The following DNAJC10 variants were observed in gnomAD, a reference collection of about 807,000 sequenced individuals.
DNAJC10 encodes the protein DnaJ heat shock protein family (Hsp40) member C10.
Under a neutral mutation model 115.0 loss-of-function variants are expected in DNAJC10, and 101 were observed. The observed-to-expected ratio is 0.88, with a 90% CI of 0.75 to 1.04. The LOEUF is 1.04. Among genes scored for constraint, DNAJC10 ranks in the 50% least tolerant of loss-of-function variants. DNAJC10 has a pLI of 0.00. For missense variants in DNAJC10, 981 were observed against 928.8 expected (o/e 1.06, Z -0.73); for synonymous variants, 307 against 301.5 (o/e 1.02, Z -0.19).
rs551127442 is a variant in DNAJC10 at position 182,729,897 on chromosome 2, T to G, written c.683T>G (p.Phe228Cys). The change falls in exon 8 of 24, where the codon TTT (phenylalanine) becomes TGT (cysteine). Residue 228 changes from phenylalanine (F) to cysteine (C), a missense_variant. Phe to Cys is a radical substitution (Grantham distance 205, BLOSUM62 -2). Coordinates refer to ENST00000264065, the MANE Select transcript of DNAJC10 (RefSeq NM_018981.4). ...GDRSKESLVS[F>C]AMQHVRSTVT... ...AGATCAAAGGAGAGTTTAGTGAGTTTTGCAATGCAGCATGTTAGAAGTACA... is the reference window on the plus strand; with the variant it reads ...AGATCAAAGGAGAGTTTAGTGAGTTGTGCAATGCAGCATGTTAGAAGTACA... 6.2e-7 allele frequency: 1 copy of G among 1,610,870 alleles called. No homozygotes were observed. Among genetic ancestry groups the G allele is most frequent in the African/African-American group, 1.3e-5 (1 of 74,884 alleles).
At chr2:182,717,612 G>T (rs1693027495) in intron 2 of DNAJC10, among the ~76,000 whole-genome samples, 2 of 152,164 alleles carry the variant, frequency 1.3e-5, no homozygotes, top group South Asian at 4.1e-4. Context: ...TACAGGCAAC[G>T]CTATAACTGG....
In DNAJC10 at chr2:182,793,136, G is replaced by C. The variant is rs1173212683; in HGVS notation, c.*16004G>C. On this transcript the variant is annotated 3_prime_UTR_variant, in exon 24 of 24. Coordinates refer to ENST00000264065, the MANE Select transcript of DNAJC10 (RefSeq NM_018981.4). ...TAAATGGGCTGAGGGTAGAGCATAT[G>C]AACAGAGAGAAAGGCCAGAGGACAG... 1 of 152,284 alleles carries C rather than the reference G, an allele frequency of 6.6e-6. No individual in the cohort carries two copies. The highest frequency in any genetic ancestry group is 1.5e-5 in the Non-Finnish European group (1 of 68,172). 9.4% of individuals were successfully genotyped at this position (152,284 alleles called of 1,614,324 possible). A position where few individuals can be genotyped will look rare whatever the true frequency, so the allele number is the denominator to read the frequency against.
At chr2:182,767,166 C>G (rs765280557) in intron 22 of DNAJC10, among the ~76,000 whole-genome samples, 8 of 152,076 alleles carry the variant, frequency 5.3e-5, no homozygotes, top group Non-Finnish European at 7.4e-5. Flanking sequence ...AGATAATGGG[C>G]GATCTGGTGG....
Position 182,732,501 on chromosome 2 carries a change from T to G in DNAJC10, c.808T>G (p.Cys270Gly), listed in dbSNP as rs1352850587. The G allele has an allele frequency of 9.3e-6, 15 of 1,613,332 alleles. No homozygotes were observed. The highest frequency in any genetic ancestry group is 1.3e-5 in the Non-Finnish European group (15 of 1,179,522). Reference sequence around the variant, plus strand: ...TCATAAGGTTTTTTTGTCCCCAGATTGTTTGACTTCACAGACACGACTCAG... The same window carrying G: ...TCATAAGGTTTTTTTGTCCCCAGATGGTTTGACTTCACAGACACGACTCAG... ...LITFCSKGGDCLTSQTRLRLS... is the reference protein window; with the variant it reads ...LITFCSKGGDGLTSQTRLRLS... The change falls in exon 10 of 24, where the codon TGT becomes GGT. Residue 270 changes from cysteine to glycine, a missense_variant and splice_region_variant. Physicochemically the swap from Cys to Gly is radical, Grantham distance 159. Coordinates refer to ENST00000264065, the MANE Select transcript of DNAJC10 (RefSeq NM_018981.4).
rs1003210454 is a variant in DNAJC10, at chr2:182,779,839, A to C, written c.*2707A>C. 1.1e-4 allele frequency: 17 copies of C among 152,190 alleles called. No individual in the cohort carries two copies. The highest frequency in any genetic ancestry group is 3.6e-4 in the African/African-American group (15 of 41,458). 9.4% of individuals were successfully genotyped at this position (152,190 alleles called of 1,614,324 possible). The stretch of plus-strand genomic sequence containing the variant: ...TTCCTATGGGACACACATTTCAAAG[A>C]TGTTTAGTACGATAAAATTTTTAGT... On this transcript the variant is annotated 3_prime_UTR_variant, in exon 24 of 24. Transcript: ENST00000264065.
chr2:182,737,486 A>G (rs1188754626), intron 11 of DNAJC10, among the ~76,000 whole-genome samples: 1 of 152,192 alleles, frequency 6.6e-6, no homozygotes, highest in African/African-American at 2.4e-5. Flanking sequence ...CCAGATCTCT[A>G]CTGAAATATA....
At chr2:182,731,170 T>G in intron 9 of DNAJC10, 63 bp downstream of exon 9, 3 of 1,196,890 alleles carry the variant, frequency 2.5e-6, no homozygotes, top group Non-Finnish European at 3.7e-6. Flanking sequence ...GGTGACAGTT[T>G]TAAGTATGCT....
chr2:182,722,935 G>A (rs1451475230), intron 5 of DNAJC10, among the ~76,000 whole-genome samples: 9 of 151,278 alleles, frequency 5.9e-5, no homozygotes, highest in Non-Finnish European at 1.0e-4. Context: ...CGTACCAGTC[G>A]CAAAAAATAC....
At position 182,780,154 on chromosome 2, in the gene DNAJC10, T is replaced by C. The variant is rs1292953317; in HGVS notation, c.*3022T>C. On this transcript the variant is annotated 3_prime_UTR_variant, in exon 24 of 24. Transcript: ENST00000264065. ...CTTACATATACCCAAATTCTTCTAG[T>C]GAAGAAGTTTGTAATATGGTTTGAG... The C allele has an allele frequency of 6.6e-6, 1 of 152,148 alleles. No homozygotes were observed. The highest frequency in any genetic ancestry group is 2.1e-4 in the South Asian group (1 of 4,828). The allele number at this position is 152,148 out of a possible 1,614,324, so 9.4% of individuals were successfully genotyped here. A position where few individuals can be genotyped will look rare whatever the true frequency, so the allele number is the denominator to read the frequency against.
rs902878632 is a variant in DNAJC10 at position 182,786,430 on chromosome 2, A to G, written c.*9298A>G. ...TAATCCTGTTCCCTTCACTGAGGTC[A>G]TAATACTGAATTCTGAAATGGAAAT... On this transcript the variant is annotated 3_prime_UTR_variant, in exon 24 of 24. Coordinates refer to ENST00000264065, the MANE Select transcript of DNAJC10 (RefSeq NM_018981.4). 6.6e-6 allele frequency: 1 copy of G among 152,190 alleles called. No individual in the cohort carries two copies. Among genetic ancestry groups the G allele is most frequent in the East Asian group, 1.9e-4 (1 of 5,188 alleles). The allele number at this position is 152,190 out of a possible 1,614,324, so 9.4% of individuals were successfully genotyped here.
rs1438815912 is a variant in DNAJC10, at chr2:182,778,750, G to C, written c.*1618G>C. 3.3e-5 allele frequency: 5 copies of C among 152,152 alleles called. No homozygotes were observed. The highest frequency in any genetic ancestry group is 3.3e-4 in the Admixed American group (5 of 15,264). The allele number at this position is 152,152 out of a possible 1,614,324, so 9.4% of individuals were successfully genotyped here. A position where few individuals can be genotyped will look rare whatever the true frequency, so the allele number is the denominator to read the frequency against. ...TCACCACTTGTCACACTTAACACCA[G>C]CTTTTTGAATTATGATCAGTAATGG... On this transcript the variant is annotated 3_prime_UTR_variant, in exon 24 of 24. Transcript: ENST00000264065.
At chr2:182,772,507 G>A (rs774482662) in intron 22 of DNAJC10, among the ~76,000 whole-genome samples, 19 of 152,206 alleles carry the variant, frequency 1.2e-4, no homozygotes, top group Non-Finnish European at 2.4e-4. Context: ...TCCTGTATTG[G>A]GTCCATATAT....
At chr2:182,741,109 G>A (rs1693726640) in intron 12 of DNAJC10, 134 bp from the exon 13 acceptor site, 3 of 611,614 alleles carry the variant, frequency 4.9e-6, no homozygotes, top group Non-Finnish European at 8.5e-6. Context: ...AAGAGAATGA[G>A]TGGGTCCGAA....
intron 10 of DNAJC10, among the ~76,000 whole-genome samples, chr2:182,733,804 G>GATAA (rs1346420448): frequency 8.8e-5 from 13 of 148,328 alleles, no homozygotes; most frequent in Non-Finnish European, 1.6e-4. Flanking sequence ...TAGATAGATA[G>GATAA]ATAGATAGAT....
At chr2:182,749,028 T>C (rs892769446) in intron 14 of DNAJC10, among the ~76,000 whole-genome samples, 2 of 152,132 alleles carry the variant, frequency 1.3e-5, no homozygotes, top group African/African-American at 4.8e-5. Flanking sequence ...AGATAGTTTG[T>C]TATAATTTCT....
At chr2:182,745,871 C>T (rs1003473245) in intron 14 of DNAJC10, among the ~76,000 whole-genome samples, 1 of 152,066 alleles carries the variant, frequency 6.6e-6, no homozygotes, top group African/African-American at 2.4e-5. Context: ...TATATCTCCC[C>T]ATGCTATGTC....
chr2:182,721,257 G>C (rs1423002593), intron 4 of DNAJC10, among the ~76,000 whole-genome samples: 2 of 152,044 alleles, frequency 1.3e-5, no homozygotes, highest in African/African-American at 4.8e-5. Context: ...GTATTTTCAA[G>C]TATATTCTCT....
intron 14 of DNAJC10, among the ~76,000 whole-genome samples, chr2:182,749,786 CAT>C (rs1380881377): frequency 1.3e-5 from 2 of 152,186 alleles, no homozygotes; most frequent in African/African-American, 2.4e-5. Context: ...TTAAAACAAA[CAT>C]GTATTAATTC....
intron 10 of DNAJC10, among the ~76,000 whole-genome samples, chr2:182,733,458 C>A (rs1379378350): frequency 1.3e-5 from 2 of 151,656 alleles, no homozygotes; most frequent in African/African-American, 4.8e-5. Flanking sequence ...AACCATGTCC[C>A]CCAGACCAAT....
Sources: gnomAD v4.1 joint callset for allele counts (sites outside exome capture counted in the v4.1 genomes callset) on GRCh38, gnomAD v4.1.1 for gene constraint, MANE v1.5 for transcripts, NCBI Gene and HGNC (gene_info 2026-07-23, HGNC 2026-07-21) for gene names.